The following PTPRT variants were observed in gnomAD, a reference collection of about 807,000 sequenced individuals.
PTPRT encodes protein tyrosine phosphatase receptor type T, also known as receptor-type tyrosine-protein phosphatase T.
A neutral mutation model predicts 176.8 loss-of-function variants in PTPRT; 56 were observed. The ratio of observed to expected loss-of-function variants is 0.32; its 90% CI spans 0.26 to 0.40. The LOEUF is 0.40. Among genes scored for constraint, PTPRT ranks in the 10% least tolerant of loss-of-function variants. PTPRT has a pLI of 1.00. For missense variants in PTPRT, 1,540 were observed against 1,908.2 expected, an observed-to-expected ratio of 0.81 and a Z score of 3.60; for synonymous variants, 783 against 739.0, an observed-to-expected ratio of 1.06 and a Z score of -0.96.
chr20:42,080,026 C>G lies in PTPRT; in HGVS notation c.*853G>C, dbSNP rs1983160680. ...AATAATCAAATCTTATCTTGTTTGT[C>G]TCTTCCAAAGAAAGCTACCACCAAA... On this transcript the variant is annotated 3_prime_UTR_variant, in exon 31 of 31. Transcript: ENST00000373187. 1.3e-5 allele frequency: 3 copies of G among 232,160 alleles called. No homozygotes were observed. Among genetic ancestry groups the G allele is most frequent in the African/African-American group, 6.6e-5 (3 of 45,280 alleles). The allele number at this position is 232,160 out of a possible 1,614,324, so 14.4% of individuals were successfully genotyped here.
intron 13 of PTPRT, among the ~76,000 whole-genome samples, chr20:42,251,105 G>A (rs562979679): frequency 6.6e-6 from 1 of 152,314 alleles, no homozygotes; most frequent in South Asian, 2.1e-4. Context: ...TAAAGGAAGG[G>A]GAGAATCTCA....
chr20:42,619,179 T>C (rs2074140050), intron 7 of PTPRT, among the ~76,000 whole-genome samples: 1 of 150,374 alleles, frequency 6.7e-6, no homozygotes, highest in Non-Finnish European at 1.5e-5. Flanking sequence ...GTAAAGTATT[T>C]AATTTCTCCT....
At chr20:43,121,616 C>T (rs2146360472) in intron 1 of PTPRT, among the ~76,000 whole-genome samples, 2 of 152,292 alleles carry the variant, frequency 1.3e-5, no homozygotes, top group South Asian at 2.1e-4. Context: ...TGAATATCCT[C>T]CCTGGTAAAA....
At chr20:42,834,397 A>C (rs2078145983) in intron 2 of PTPRT, among the ~76,000 whole-genome samples, 1 of 152,168 alleles carries the variant, frequency 6.6e-6, no homozygotes, top group African/African-American at 2.4e-5. Flanking sequence ...GAACAAATTG[A>C]ATCCTCACCT....
chr20:42,351,839 A>T (rs1277533891), intron 10 of PTPRT, among the ~76,000 whole-genome samples: 2 of 152,262 alleles, frequency 1.3e-5, no homozygotes, highest in African/African-American at 2.4e-5. Flanking sequence ...TGTACTATTT[A>T]ATGCAAGCCT....
rs139823900 is a variant in PTPRT, at chr20:42,333,774, G to A, written c.1865+16854C>T. ...GCTCAGAGCAATCTCTGCCTCCTGC[G>A]TTCAAGCTAGATTCTTCTGCCTCAG... On this transcript the variant is annotated intron_variant, in intron 11 of 30. Transcript: ENST00000373187. 3.7e-3 allele frequency among the ~76,000 whole-genome samples: 567 copies of A among 152,226 alleles called. 3 individuals are homozygous for A. Among genetic ancestry groups the A allele is most frequent in the Middle Eastern group, 6.8e-3 (2 of 294 alleles).
chr20:42,082,061 C>T (rs748661847), intron 29 of PTPRT, 44 bp from the exon 30 acceptor site: 5 of 1,612,364 alleles, frequency 3.1e-6, no homozygotes, highest in East Asian at 2.2e-5. Context: ...TAGGTCCCTT[C>T]CAGGCACCTG....
At chr20:42,479,494 G>A (rs1322112503) in intron 7 of PTPRT, among the ~76,000 whole-genome samples, 1 of 152,184 alleles carries the variant, frequency 6.6e-6, no homozygotes, top group Admixed American at 6.5e-5. Context: ...TTTCTGCATG[G>A]AAATGATACA....
intron 11 of PTPRT, among the ~76,000 whole-genome samples, chr20:42,330,785 C>T (rs573633830): frequency 1.3e-5 from 2 of 152,214 alleles, no homozygotes; most frequent in Admixed American, 6.5e-5. Context: ...CAGTGCTAAC[C>T]AACAGAAGCA....
chr20:42,119,470 A>G (rs575150306), intron 20 of PTPRT, among the ~76,000 whole-genome samples: 1 of 152,300 alleles, frequency 6.6e-6, no homozygotes, highest in South Asian at 2.1e-4. Context: ...AGGGTTTGAA[A>G]GGTACGATCA....
chr20:42,217,308 G>A (rs898762676), intron 15 of PTPRT, among the ~76,000 whole-genome samples: 2 of 151,614 alleles, frequency 1.3e-5, no homozygotes, highest in Non-Finnish European at 2.9e-5. Flanking sequence ...GAGAGGCGGG[G>A]AGGTTGGAGT....
intron 6 of PTPRT, among the ~76,000 whole-genome samples, chr20:42,681,745 T>C (rs972947004): frequency 4.6e-5 from 7 of 152,106 alleles, no homozygotes; most frequent in African/African-American, 1.7e-4. Flanking sequence ...TCAGAAGCTG[T>C]TGAGAAGGAG....
In PTPRT at chr20:43,081,313, CA is replaced by C. The variant is rs2011435531; in HGVS notation, c.88+108332del. On this transcript the variant is annotated intron_variant, in intron 1 of 30. Transcript: ENST00000373187. ...TTTCTTCAGCAGTGATTGTTCTAGT[CA>C]AGTTTTCCATTTATCAATTGGCCAA... is the stretch of plus-strand genomic sequence containing the variant. Among the ~76,000 whole-genome samples, 13 of 152,170 alleles carry C rather than the reference CA, an allele frequency of 8.5e-5. No homozygotes were observed. In the South Asian group the frequency reaches 2.7e-3, roughly 32 times the overall value.
intron 2 of PTPRT, among the ~76,000 whole-genome samples, chr20:42,800,441 AAG>A (rs1488599226): frequency 1.3e-5 from 2 of 152,196 alleles, no homozygotes; most frequent in Non-Finnish European, 2.9e-5. Flanking sequence ...ATTAAGAGTA[AAG>A]AGAACAACAG....
chr20:42,048,917 G>T, the PTPRT span, among the ~76,000 whole-genome samples: 4 of 152,132 alleles, frequency 2.6e-5, no homozygotes, highest in East Asian at 7.7e-4. Flanking sequence ...TGCCTCCCGG[G>T]TTCAAGCAAT....
At chr20:42,367,954 C>A (rs549636370) in intron 9 of PTPRT, among the ~76,000 whole-genome samples, 1 of 152,186 alleles carries the variant, frequency 6.6e-6, no homozygotes, top group Non-Finnish European at 1.5e-5. Flanking sequence ...AAGGTAACAG[C>A]TCCAACTCAG....
rs79439296 is a variant in PTPRT, at chr20:42,392,324, A to G, written c.1561-40039T>C. Among the ~76,000 whole-genome samples, 163 of 152,312 alleles carry G rather than the reference A, an allele frequency of 1.1e-3. 2 individuals carry two copies. In the East Asian group the frequency reaches 0.03, roughly 28 times the overall value. On this transcript the variant is annotated intron_variant, in intron 9 of 30. Transcript: ENST00000373187. ...GGTAAGAGGGCTATTAGCATACATC[A>G]GGAAAAATGGGAAAAAAGTAAAATA...
At chr20:42,984,919 G>A (rs531961438) in intron 1 of PTPRT, among the ~76,000 whole-genome samples, 1 of 152,346 alleles carries the variant, frequency 6.6e-6, no homozygotes, top group East Asian at 1.9e-4. Context: ...GACAGAGGCT[G>A]ACCAGGTGGC....
chr20:42,883,665 CCATA>C (rs2145859698), intron 2 of PTPRT, among the ~76,000 whole-genome samples: 1 of 15,114 alleles, frequency 6.6e-5, no homozygotes, highest in Admixed American at 6.5e-4. Flanking sequence ...ATACACACAC[CCATA>C]CAAACACACG....
Sources: allele counts gnomAD v4.1 joint callset (sites outside exome capture counted in the v4.1 genomes callset), GRCh38; gene constraint gnomAD v4.1.1; transcripts MANE v1.5; gene names NCBI Gene and HGNC (gene_info 2026-07-23, HGNC 2026-07-21).